Variants in PARG observed in about 807,000 individuals in gnomAD.
The protein encoded by PARG is mitochondrial poly(ADP-ribose) glycohydrolase.
In PARG, 35 loss-of-function variants were observed where a neutral mutation model predicts 113.0. The ratio of observed to expected loss-of-function variants is 0.31; its 90% CI spans 0.24 to 0.41. The LOEUF is 0.41. Ranked by LOEUF, PARG falls within the 10% of genes least tolerant of loss-of-function variation. The pLI, the probability that PARG is intolerant of heterozygous loss-of-function variation, is 1.00. For synonymous variants in PARG, 330 were observed against 409.9 expected (o/e 0.81, Z 2.36); for missense variants, 797 against 1,169.4 (o/e 0.68, Z 4.64).
At chr10:49,858,283 A>G (rs1267367656) in intron 12 of PARG, among the ~76,000 whole-genome samples, 3 of 138,446 alleles carry the variant, frequency 2.2e-5, no homozygotes, top group Non-Finnish European at 3.1e-5. Context: ...GCAGTATGTA[A>G]GAAATAGCAA....
intron 7 of PARG, among the ~76,000 whole-genome samples, chr10:49,893,357 G>A (rs529499262): frequency 6.6e-6 from 1 of 152,112 alleles, no homozygotes; most frequent in African/African-American, 2.4e-5. Flanking sequence ...TTGGCAATTT[G>A]TATACCTTCC....
At chr10:49,940,845 C>T (rs1839010488) in intron 1 of PARG, among the ~76,000 whole-genome samples, 1 of 152,168 alleles carries the variant, frequency 6.6e-6, no homozygotes, top group Admixed American at 6.5e-5. Context: ...ACTCCTGAAA[C>T]ACTTCTTACT....
intron 7 of PARG, among the ~76,000 whole-genome samples, chr10:49,896,023 C>T (rs1160032267): frequency 3.9e-5 from 6 of 152,154 alleles, no homozygotes; most frequent in Admixed American, 3.3e-4. Context: ...AAACAAACAC[C>T]GTCAACTACA....
chr10:49,862,829 T>C (rs779840720), intron 11 of PARG, among the ~76,000 whole-genome samples: 1 of 151,972 alleles, frequency 6.6e-6, no homozygotes, highest in South Asian at 2.1e-4. Context: ...AAGTTTGATA[T>C]ATTTTTTTAA....
At chr10:49,844,368 A>G (rs1845397010) in intron 13 of PARG, among the ~76,000 whole-genome samples, 1 of 152,114 alleles carries the variant, frequency 6.6e-6, no homozygotes, top group African/African-American at 2.4e-5. Context: ...CACGCCTGTA[A>G]TCCTAGCGCT....
At chr10:49,887,011 G>A (rs1205386371) in intron 7 of PARG, among the ~76,000 whole-genome samples, 1 of 150,310 alleles carries the variant, frequency 6.7e-6, no homozygotes, top group Non-Finnish European at 1.5e-5. Context: ...TAATGCATTT[G>A]TTTAAAATAT....
At chr10:49,848,140 A>T (rs2132477736) in intron 13 of PARG, among the ~76,000 whole-genome samples, 1 of 150,026 alleles carries the variant, frequency 6.7e-6, no homozygotes, top group African/African-American at 2.4e-5. Flanking sequence ...CACAAGGTCA[A>T]GAGATCGAGA....
At chr10:49,831,945 A>C (rs1019024342) in intron 16 of PARG, among the ~76,000 whole-genome samples, 2 of 152,122 alleles carry the variant, frequency 1.3e-5, no homozygotes, top group African/African-American at 4.8e-5. Context: ...AAGTGGGGGC[A>C]GTCTTGTGGA....
intron 6 of PARG, among the ~76,000 whole-genome samples, chr10:49,917,573 C>T (rs540068774): frequency 6.0e-5 from 9 of 150,406 alleles, no homozygotes; most frequent in Admixed American, 4.6e-4. Context: ...AATCATAGCA[C>T]ACTCCGGGAG....
chr10:49,883,628 G>A (rs1464609081), intron 8 of PARG, among the ~76,000 whole-genome samples: 3 of 150,586 alleles, frequency 2.0e-5, no homozygotes, highest in East Asian at 2.0e-4. Context: ...GTGAAACTCC[G>A]TCTCTGCTAA....
intron 6 of PARG, among the ~76,000 whole-genome samples, chr10:49,921,105 G>A (rs1381831433): frequency 1.3e-5 from 2 of 152,162 alleles, no homozygotes; most frequent in East Asian, 3.9e-4. Context: ...GGTCTAAGGA[G>A]TGGAAAAGGA....
intron 13 of PARG, among the ~76,000 whole-genome samples, chr10:49,849,161 C>T (rs529213711): frequency 3.1e-4 from 47 of 150,742 alleles, no homozygotes; most frequent in African/African-American, 1.1e-3. Flanking sequence ...CGCCATTGCA[C>T]TCCATCCTGG....
chr10:49,819,825 G>T (rs1329979823), intron 17 of PARG, among the ~76,000 whole-genome samples: 2 of 152,176 alleles, frequency 1.3e-5, no homozygotes, highest in African/African-American at 4.8e-5. Context: ...GCGCTGGCAG[G>T]TCTGAGAAAC....
At chr10:49,924,779 CG>C (rs1838068904) in intron 4 of PARG, among the ~76,000 whole-genome samples, 1 of 151,824 alleles carries the variant, frequency 6.6e-6, no homozygotes. Flanking sequence ...CTGAAAGAAA[CG>C]GAAGTATTTT....
chr10:49,927,114 C>T (rs61846933), intron 4 of PARG, among the ~76,000 whole-genome samples: 2,818 of 152,098 alleles, frequency 0.019, 42 homozygotes, highest in Middle Eastern at 0.027. Flanking sequence ...CAAGACCATC[C>T]TGGCCAACAT....
At chr10:49,923,108 C>A (rs189503319) in intron 4 of PARG, among the ~76,000 whole-genome samples, 1,643 of 152,270 alleles carry the variant, frequency 0.011, 12 homozygotes, top group Non-Finnish European at 0.015. Flanking sequence ...ACTTAAAATT[C>A]CTTAAACATA....
intron 13 of PARG, among the ~76,000 whole-genome samples, chr10:49,851,873 GC>G (rs1845776454): frequency 6.7e-6 from 1 of 149,230 alleles, no homozygotes. Context: ...ACTCATGGCT[GC>G]CCCAGGCAGG....
chr10:49,933,401 A>G lies in PARG; in HGVS notation c.1047T>C (p.Ala349=). ...AGTACCGTTTCCTAAATTCAATGTC[A>G]GCGTCTCTTGCTTGGAACCTTGAAG... The part of the protein sequence containing the change: ...NKPSRFQARD[A]DIEFRKRYST... The change falls in exon 3 of 18, where the codon GCT becomes GCC. Residue 349 remains alanine, a synonymous_variant. Transcript: ENST00000616448. The G allele has an allele frequency of 4.3e-6, 7 of 1,613,496 alleles. No individual in the cohort carries two copies. Among genetic ancestry groups the G allele is most frequent in the Non-Finnish European group, 5.9e-6 (7 of 1,179,486 alleles).
At chr10:49,918,425 T>G (rs1837621587) in intron 6 of PARG, among the ~76,000 whole-genome samples, 1 of 152,238 alleles carries the variant, frequency 6.6e-6, no homozygotes, top group African/African-American at 2.4e-5. Flanking sequence ...GTCTCAAAAG[T>G]AGTCCACCAT....
Sources: gnomAD v4.1 joint callset for allele counts (sites outside exome capture counted in the v4.1 genomes callset) on GRCh38, gnomAD v4.1.1 for gene constraint, MANE v1.5 for transcripts, NCBI Gene and HGNC (gene_info 2026-07-23, HGNC 2026-07-21) for gene names.